The following KCNH1 variants were observed in gnomAD, a reference collection of about 807,000 sequenced individuals.
The protein encoded by KCNH1 is potassium voltage-gated channel subfamily H member 1, also known as voltage-gated delayed rectifier potassium channel KCNH1.
KCNH1 carries 27 observed loss-of-function variants against 69.2 expected under a neutral mutation model. The ratio of observed to expected loss-of-function variants is 0.39; its 90% CI spans 0.29 to 0.54. KCNH1 has a LOEUF of 0.54. KCNH1 is among the 20% of genes least tolerant of loss of function. The pLI is 0.68. For synonymous variants in KCNH1, 456 were observed against 487.7 expected, an observed-to-expected ratio of 0.93 and a Z score of 0.86; for missense variants, 798 against 1,261.6, an observed-to-expected ratio of 0.63 and a Z score of 5.57.
At chr1:210,912,974 T>G (rs904824042) in intron 7 of KCNH1, among the ~76,000 whole-genome samples, 4 of 152,120 alleles carry the variant, frequency 2.6e-5, no homozygotes, top group African/African-American at 9.7e-5. Flanking sequence ...ATAAAGTGAA[T>G]CCAAGTGAAT....
chr1:211,041,966 G>T (rs1409404835), intron 5 of KCNH1, among the ~76,000 whole-genome samples: 1 of 152,062 alleles, frequency 6.6e-6, no homozygotes, highest in Non-Finnish European at 1.5e-5. Flanking sequence ...TGTTGGCCAG[G>T]CTGGTCTGGA....
rs763101746 is a variant in KCNH1, at chr1:210,919,940, G to A, written c.1162C>T (p.Leu388=). ...VLVLLVCVFG[L]AAHWMACIWY... ...ATGCAGGCCATCCAGTGTGCAGCCA[G>A]CCCAAACACACACACCAGCAGGACC... is the stretch of plus-strand genomic sequence containing the variant. The change falls in exon 7 of 11, where the codon CTG becomes TTG. Residue 388 remains leucine, a synonymous_variant. Transcript: ENST00000271751. The surrounding 1 kb of genome is among the most constrained non-coding windows in gnomAD (Gnocchi z 4.2). 1.2e-6 allele frequency: 2 copies of A among 1,614,146 alleles called. No individual in the cohort carries two copies. Among genetic ancestry groups the A allele is most frequent in the Non-Finnish European group, 1.7e-6 (2 of 1,180,022 alleles).
intron 6 of KCNH1, among the ~76,000 whole-genome samples, chr1:211,006,650 A>C (rs1257891923): frequency 6.6e-6 from 1 of 152,200 alleles, no homozygotes; most frequent in Non-Finnish European, 1.5e-5. Context: ...AGAATTCATT[A>C]AAAAGCATAT....
intron 1 of KCNH1, among the ~76,000 whole-genome samples, chr1:211,118,697 T>C (rs1376323497): frequency 1.3e-5 from 2 of 152,234 alleles, no homozygotes; most frequent in Non-Finnish European, 2.9e-5. Flanking sequence ...TACACTGCAG[T>C]AGTCAGAAGT....
chr1:211,069,421 C>T (rs1441151046), intron 5 of KCNH1, among the ~76,000 whole-genome samples: 2 of 151,902 alleles, frequency 1.3e-5, no homozygotes, highest in African/African-American at 2.4e-5. Flanking sequence ...CAGAACCAGA[C>T]CCAGGTATGG....
At chr1:211,073,170 A>G (rs1382567036) in intron 5 of KCNH1, among the ~76,000 whole-genome samples, 1 of 152,222 alleles carries the variant, frequency 6.6e-6, no homozygotes, top group Non-Finnish European at 1.5e-5. Context: ...ATTCTCAAAA[A>G]AGACATAATC....
intron 7 of KCNH1, among the ~76,000 whole-genome samples, chr1:210,905,410 G>T (rs1687080845): frequency 1.3e-5 from 2 of 152,036 alleles, no homozygotes; most frequent in South Asian, 4.2e-4. Flanking sequence ...AAGGCATCCT[G>T]GTACTGTCAA....
At chr1:210,761,835 A>G (rs1683530737) in intron 10 of KCNH1, among the ~76,000 whole-genome samples, 1 of 152,206 alleles carries the variant, frequency 6.6e-6, no homozygotes, top group Non-Finnish European at 1.5e-5. Context: ...ATAGACAGGT[A>G]GTCAATGCAG....
At chr1:210,955,090 G>A (rs1345384960) in intron 6 of KCNH1, among the ~76,000 whole-genome samples, 2 of 152,290 alleles carry the variant, frequency 1.3e-5, no homozygotes, top group South Asian at 4.2e-4. Context: ...AAGGTGTAAG[G>A]AAGGGATCCA....
chr1:211,105,410 C>T (rs1287934206), intron 2 of KCNH1, among the ~76,000 whole-genome samples: 1 of 152,170 alleles, frequency 6.6e-6, no homozygotes, highest in Non-Finnish European at 1.5e-5. Context: ...AGTTTTCATT[C>T]ATCTTATGTA....
chr1:211,048,901 G>A (rs1404698500), intron 5 of KCNH1, among the ~76,000 whole-genome samples: 1 of 152,188 alleles, frequency 6.6e-6, no homozygotes, highest in Non-Finnish European at 1.5e-5. Context: ...GATTCCGGAT[G>A]AGAATCAGGA....
chr1:211,061,409 G>A (rs10779549), intron 5 of KCNH1, among the ~76,000 whole-genome samples: 111,193 of 152,062 alleles, frequency 0.73, 41,123 homozygotes, highest in South Asian at 0.81. Flanking sequence ...GAATGAGACA[G>A]GGATGCTCAT....
At chr1:210,735,235 C>T (rs868090794) in intron 10 of KCNH1, among the ~76,000 whole-genome samples, 1 of 152,130 alleles carries the variant, frequency 6.6e-6, no homozygotes, top group Non-Finnish European at 1.5e-5. Context: ...TGTGAGCCCC[C>T]CTGCCTCCAT....
intron 7 of KCNH1, among the ~76,000 whole-genome samples, chr1:210,846,812 A>C (rs1474338623): frequency 5.9e-5 from 9 of 152,084 alleles, no homozygotes; most frequent in Non-Finnish European, 7.4e-5. Flanking sequence ...AATGGAAGAA[A>C]ATTTTTGCAA....
chr1:210,740,731 T>TTTTTTTTTTTTTTTTTTTTG (rs1558449289), intron 10 of KCNH1, among the ~76,000 whole-genome samples: 1 of 119,502 alleles, frequency 8.4e-6, no homozygotes, highest in African/African-American at 3.6e-5. Context: ...TTTTTTTTTT[T>TTTTTTTTTTTTTTTTTTTTG]TACTAAAAGA....
At chr1:210,696,090 T>C (rs116391992) in intron 10 of KCNH1, among the ~76,000 whole-genome samples, 4,203 of 152,270 alleles carry the variant, frequency 0.028, 210 homozygotes, top group African/African-American at 0.097. Flanking sequence ...ACCTGGGCAG[T>C]CAGGGTGCAG....
At chr1:210,804,468 G>C (rs1684493354) in intron 7 of KCNH1, among the ~76,000 whole-genome samples, 1 of 152,238 alleles carries the variant, frequency 6.6e-6, no homozygotes, top group African/African-American at 2.4e-5. Context: ...CTAGGCAGTG[G>C]GTTGCGGGGG....
chr1:211,080,187 G>C (rs1381945097), intron 5 of KCNH1, among the ~76,000 whole-genome samples: 1 of 152,066 alleles, frequency 6.6e-6, no homozygotes, highest in Non-Finnish European at 1.5e-5. Flanking sequence ...GACAAACAGA[G>C]AGCCAAATCA....
intron 6 of KCNH1, among the ~76,000 whole-genome samples, chr1:210,993,579 T>C (rs1003129658): frequency 6.6e-6 from 1 of 152,218 alleles, no homozygotes; most frequent in Non-Finnish European, 1.5e-5. Flanking sequence ...AAATTTCCTG[T>C]GCTTGGAGAA....
Sources: gnomAD v4.1 joint callset for allele counts (sites outside exome capture counted in the v4.1 genomes callset) on GRCh38, gnomAD v4.1.1 for gene constraint, Gnocchi (gnomAD v3.1) non-coding constraint, MANE v1.5 for transcripts, NCBI Gene and HGNC (gene_info 2026-07-23, HGNC 2026-07-21) for gene names.